The following FRMPD4 variants were observed in gnomAD, a reference collection of about 807,000 sequenced individuals.
FRMPD4 encodes the protein FERM and PDZ domain-containing protein 4.
In FRMPD4, 22 loss-of-function variants were observed where a neutral mutation model predicts 94.1. That is an observed-to-expected ratio of 0.23 (90% CI 0.17 to 0.33). The LOEUF (loss-of-function observed/expected upper bound fraction) is 0.33, where lower values mean the gene tolerates loss of function less well. FRMPD4 is among the 10% of genes least tolerant of loss of function. The probability of loss-of-function intolerance (pLI) is 1.00; values close to 1 mark genes in which losing one functional copy is unlikely to be tolerated. For missense variants in FRMPD4, 1,111 were observed against 1,339.9 expected (o/e 0.83, Z 2.67); for synonymous variants, 631 against 548.6 (o/e 1.15, Z -2.10).
intron 1 of FRMPD4, among the ~76,000 whole-genome samples, chrX:12,362,033 A>C (rs1432666136): frequency 1.8e-5 from 2 of 111,336 alleles, no homozygotes; most frequent in African/African-American, 6.5e-5. Flanking sequence ...GACTCCATTA[A>C]ATCAGTAGGT....
intron 3 of FRMPD4, among the ~76,000 whole-genome samples, chrX:12,000,323 A>G (rs932497058): frequency 2.7e-5 from 3 of 112,160 alleles, no homozygotes; most frequent in Non-Finnish European, 5.6e-5. Flanking sequence ...AAAGTGGTAC[A>G]TAAGCCAAAG....
At chrX:11,858,343 G>A (rs1310043329) in intron 1 of FRMPD4, among the ~76,000 whole-genome samples, 5 of 111,777 alleles carry the variant, frequency 4.5e-5, no homozygotes, top group African/African-American at 1.6e-4. Flanking sequence ...AAAATGTGGT[G>A]CATATACACC....
At chrX:12,705,251 C>T (rs766735827) in intron 11 of FRMPD4, among the ~76,000 whole-genome samples, 2 of 111,687 alleles carry the variant, frequency 1.8e-5, no homozygotes, top group South Asian at 3.7e-4. Flanking sequence ...TTAAAATATA[C>T]TGTTGGTCAG....
intron 2 of FRMPD4, among the ~76,000 whole-genome samples, chrX:12,564,828 TGAGAGAGA>T (rs62871260): frequency 8.7e-5 from 9 of 102,963 alleles, no homozygotes; most frequent in Admixed American, 1.1e-4. Context: ...AGGAAATGCT[TGAGAGAGA>T]GAGAGAGAGA....
At chrX:12,517,516 T>A (rs1423602464) in intron 2 of FRMPD4, among the ~76,000 whole-genome samples, 7 of 110,443 alleles carry the variant, frequency 6.3e-5, no homozygotes, top group Non-Finnish European at 1.1e-4. Context: ...TCTGGGTCCC[T>A]CCCACACCTG....
At chrX:12,086,532 C>T (rs1336018907) in intron 3 of FRMPD4, among the ~76,000 whole-genome samples, 2 of 111,642 alleles carry the variant, frequency 1.8e-5, no homozygotes, top group Non-Finnish European at 3.8e-5. Context: ...AGGCAATTCT[C>T]TTTAAGACTC....
At chrX:12,663,116 G>A (rs2059735732) in intron 4 of FRMPD4, among the ~76,000 whole-genome samples, 1 of 112,232 alleles carries the variant, frequency 8.9e-6, no homozygotes, top group South Asian at 3.7e-4. Flanking sequence ...TTTGTCAGAT[G>A]CATAGATTGC....
At chrX:12,569,237 C>G (rs1010383989) in intron 2 of FRMPD4, among the ~76,000 whole-genome samples, 20 of 110,975 alleles carry the variant, frequency 1.8e-4, no homozygotes, top group African/African-American at 6.7e-4. Flanking sequence ...CAACATAAAG[C>G]AGACGAAGAC....
At chrX:12,688,214 A>G (rs1456022701) in intron 7 of FRMPD4, among the ~76,000 whole-genome samples, 5 of 111,939 alleles carry the variant, frequency 4.5e-5, no homozygotes, top group East Asian at 2.8e-4. Context: ...TTCTGACACC[A>G]TGGCCTTGTT....
intron 7 of FRMPD4, 128 bp from the exon 8 acceptor site, chrX:12,690,067 C>G: frequency 4.3e-6 from 2 of 463,116 alleles, no homozygotes; most frequent in South Asian, 9.9e-5. Context: ...CATTAAATTT[C>G]AGAATCAACC....
At chrX:12,375,543 C>G (rs963400070) in intron 1 of FRMPD4, among the ~76,000 whole-genome samples, 1 of 112,622 alleles carries the variant, frequency 8.9e-6, no homozygotes, top group Non-Finnish European at 1.9e-5. Flanking sequence ...GTCCCTCTGA[C>G]TTCTTCTTCT....
chrX:12,102,332 A>G (rs1216468191), intron 3 of FRMPD4, among the ~76,000 whole-genome samples: 3 of 111,869 alleles, frequency 2.7e-5, no homozygotes, highest in Non-Finnish European at 5.6e-5. Context: ...CAATCATACA[A>G]AAGGAAAGCC....
rs550989204 is a variant in FRMPD4 at position 12,550,677 on chromosome X, CTT to C, written c.158+51888_158+51889del. ...AATTGTTCTCTGTATATACACAGCA[CTT>C]TTTTTTCTTTTGGACCTTGGGTACA... On this transcript the variant is annotated intron_variant, in intron 2 of 16. Transcript: ENST00000675598. 3.6e-5 allele frequency among the ~76,000 whole-genome samples: 4 copies of C among 110,227 alleles called. No individual in the cohort carries two copies. In the Admixed American group the frequency reaches 3.9e-4, roughly 11 times the overall value.
chrX:12,388,388 C>T lies in FRMPD4; in HGVS notation c.42-110292C>T, dbSNP rs992585615. Among the ~76,000 whole-genome samples the T allele has an allele frequency of 1.7e-4, 19 of 111,268 alleles. 1 individual carries two copies. Among genetic ancestry groups the T allele is most frequent in the Admixed American group, 1.6e-3 (17 of 10,517 alleles). ...TTGGGAGGCCAAAGCGGGCAGATCACGAGGTCAGGAGTTCGAGACCAGCCT... is the reference window on the plus strand; with the variant it reads ...TTGGGAGGCCAAAGCGGGCAGATCATGAGGTCAGGAGTTCGAGACCAGCCT... On this transcript the variant is annotated intron_variant, in intron 1 of 16. Transcript: ENST00000675598.
intron 1 of FRMPD4, among the ~76,000 whole-genome samples, chrX:12,442,868 A>G (rs2057154044): frequency 8.9e-6 from 1 of 112,295 alleles, no homozygotes; most frequent in Non-Finnish European, 1.9e-5. Context: ...AGAAAATAGG[A>G]TGTATCCATA....
At chrX:12,319,823 A>C (rs1405984375) in intron 1 of FRMPD4, among the ~76,000 whole-genome samples, 10 of 111,967 alleles carry the variant, frequency 8.9e-5, no homozygotes, top group Non-Finnish European at 1.9e-4. Flanking sequence ...TCTGGTGCCT[A>C]TTTTTATCAC....
At chrX:11,845,594 C>T (rs1428865035) in intron 1 of FRMPD4, among the ~76,000 whole-genome samples, 2 of 107,893 alleles carry the variant, frequency 1.9e-5, no homozygotes, top group East Asian at 2.9e-4. Flanking sequence ...AATTTTAGAC[C>T]AATATCCTTG....
intron 14 of FRMPD4, among the ~76,000 whole-genome samples, chrX:12,712,361 C>A (rs1463244214): frequency 9.0e-6 from 1 of 110,949 alleles, no homozygotes; most frequent in African/African-American, 3.3e-5. Context: ...TCAGACTGGG[C>A]AACACAGGGA....
intron 1 of FRMPD4, among the ~76,000 whole-genome samples, chrX:12,190,567 T>C (rs2056478751): frequency 9.1e-6 from 1 of 109,849 alleles, no homozygotes; most frequent in Admixed American, 9.7e-5. Context: ...CAAAATAGAA[T>C]CCAGAAGTAG....
Sources: gnomAD v4.1 joint callset for allele counts (sites outside exome capture counted in the v4.1 genomes callset) on GRCh38, gnomAD v4.1.1 for gene constraint, MANE v1.5 for transcripts, NCBI Gene and HGNC (gene_info 2026-07-23, HGNC 2026-07-21) for gene names.